IFRD1: variants seen among roughly 807,000 people sequenced by gnomAD.
IFRD1 encodes interferon-related developmental regulator 1.
In IFRD1, 35 loss-of-function variants were observed where a neutral mutation model predicts 52.9. That is an observed-to-expected ratio of 0.66 (90% CI 0.51 to 0.88). The LOEUF is 0.88. Ranked by LOEUF, IFRD1 falls within the 40% of genes least tolerant of loss-of-function variation. The pLI, the probability that IFRD1 is intolerant of heterozygous loss-of-function variation, is 0.00. For synonymous variants in IFRD1, 184 were observed against 188.4 expected (o/e 0.98, Z 0.19); for missense variants, 517 against 550.8 (o/e 0.94, Z 0.61).
At chr7:112,456,499 T>C (rs1795294362) in intron 3 of IFRD1, among the ~76,000 whole-genome samples, 1 of 152,214 alleles carries the variant, frequency 6.6e-6, no homozygotes, top group African/African-American at 2.4e-5. Context: ...GATTGTTTCT[T>C]TTCACTATAG....
In IFRD1 at chr7:112,462,113, C is replaced by A. The variant is rs1346940033; in HGVS notation, c.731C>A (p.Ser244Tyr). 3 of 1,613,726 alleles carry A rather than the reference C, an allele frequency of 1.9e-6. No homozygotes were observed. Among genetic ancestry groups the A allele is most frequent in the East Asian group, 4.5e-5 (2 of 44,870 alleles). Reference protein sequence around the residue: ...STPNTVLHISSLLAWTLLLTI... With the variant: ...STPNTVLHISYLLAWTLLLTI... ...CCTAATACAGTGCTTCATATCAGCTCTCTTCTTGCATGGACACTACTGCTG... is the reference window on the plus strand; with the variant it reads ...CCTAATACAGTGCTTCATATCAGCTATCTTCTTGCATGGACACTACTGCTG... The change falls in exon 7 of 12, where the codon TCT becomes TAT. Residue 244 changes from serine to tyrosine, a missense_variant. Coordinates refer to ENST00000403825, the MANE Select transcript of IFRD1 (RefSeq NM_001550.4).
At chr7:112,424,328 T>C (rs1025309813) in intron 1 of IFRD1, among the ~76,000 whole-genome samples, 3 of 152,192 alleles carry the variant, frequency 2.0e-5, no homozygotes, top group African/African-American at 7.2e-5. Flanking sequence ...TCTGGTGCTC[T>C]GGAGGTTCTA....
At chr7:112,450,918 G>A in intron 1 of IFRD1, 136 bp downstream of exon 1, 1 of 712,524 alleles carries the variant, frequency 1.4e-6, no homozygotes, top group Non-Finnish European at 2.5e-6. Flanking sequence ...TTTGGCTACT[G>A]AACTACAATT....
intron 3 of IFRD1, 93 bp from the exon 4 acceptor site, chr7:112,456,821 A>G (rs1235117588): frequency 3.4e-6 from 4 of 1,176,776 alleles, no homozygotes; most frequent in East Asian, 2.4e-5. Flanking sequence ...AAATCTATAC[A>G]TAGGTAAAGT....
chr7:112,435,779 T>C (rs1794671313), intron 1 of IFRD1, among the ~76,000 whole-genome samples: 1 of 152,186 alleles, frequency 6.6e-6, no homozygotes, highest in Non-Finnish European at 1.5e-5. Context: ...AGTTGGCTCT[T>C]ACTAAAATGA....
Position 112,450,647 on chromosome 7 carries a change from C to A in IFRD1, c.-42C>A. The A allele has an allele frequency of 6.6e-7, 1 of 1,520,278 alleles. No homozygotes were observed. The highest frequency in any genetic ancestry group is 9.1e-7 in the Non-Finnish European group (1 of 1,095,962). 94.2% of individuals were successfully genotyped at this position (1,520,278 alleles called of 1,614,324 possible). A position where few individuals can be genotyped will look rare whatever the true frequency, so the allele number is the denominator to read the frequency against. On this transcript the variant is annotated 5_prime_UTR_variant, in exon 1 of 12. Coordinates refer to ENST00000403825, the MANE Select transcript of IFRD1 (RefSeq NM_001550.4). Reference sequence around the variant, plus strand: ...AAAAAGTGCAGCTCCATCGGCTGATCCTCGCTAAGCTCCGACTCTGGGCGG... The same window carrying A: ...AAAAAGTGCAGCTCCATCGGCTGATACTCGCTAAGCTCCGACTCTGGGCGG...
At chr7:112,454,242 G>A (rs760156315) in intron 1 of IFRD1, among the ~76,000 whole-genome samples, 2 of 151,882 alleles carry the variant, frequency 1.3e-5, no homozygotes, top group African/African-American at 2.4e-5. Context: ...CCACAGGCAG[G>A]CAGTGCAATG....
intron 1 of IFRD1, among the ~76,000 whole-genome samples, chr7:112,435,781 C>T (rs2117238730): frequency 6.6e-6 from 1 of 151,944 alleles, no homozygotes; most frequent in South Asian, 2.1e-4. Flanking sequence ...TTGGCTCTTA[C>T]TAAAATGAAC....
chr7:112,438,665 C>A (rs972275043), intron 1 of IFRD1, among the ~76,000 whole-genome samples: 5 of 151,654 alleles, frequency 3.3e-5, no homozygotes, highest in Non-Finnish European at 7.4e-5. Context: ...CTAGAAGATA[C>A]CTCCTTCGCC....
At chr7:112,425,882 A>G (rs1475226734) in intron 1 of IFRD1, among the ~76,000 whole-genome samples, 1 of 152,178 alleles carries the variant, frequency 6.6e-6, no homozygotes, top group Non-Finnish European at 1.5e-5. Flanking sequence ...TTACTGTTAT[A>G]TCTGAATAAA....
intron 5 of IFRD1, among the ~76,000 whole-genome samples, chr7:112,460,521 G>A (rs539528011): frequency 1.3e-5 from 2 of 152,102 alleles, no homozygotes; most frequent in Admixed American, 1.3e-4. Context: ...TGAGATTATG[G>A]GTGTGAGCCA....
Position 112,475,886 on chromosome 7 carries a change from T to C in IFRD1, c.*367T>C, listed in dbSNP as rs898386500. 1 of 177,996 alleles carries C rather than the reference T, an allele frequency of 5.6e-6. No homozygotes were observed. The highest frequency in any genetic ancestry group is 1.2e-5 in the Non-Finnish European group (1 of 84,112). 11.0% of individuals were successfully genotyped at this position (177,996 alleles called of 1,614,324 possible). A position where few individuals can be genotyped will look rare whatever the true frequency, so the allele number is the denominator to read the frequency against. Reference sequence around the variant, plus strand: ...TACATGCAAGATATTTAACTTAATATCTTAGACAAGAGTTCTGGGTACAAT... The same window carrying C: ...TACATGCAAGATATTTAACTTAATACCTTAGACAAGAGTTCTGGGTACAAT... On this transcript the variant is annotated 3_prime_UTR_variant, in exon 12 of 12. Transcript: ENST00000403825.
chr7:112,467,807 G>A lies in IFRD1; in HGVS notation c.907-174G>A, dbSNP rs1368208996. ...TCTTGTAGTCAGCATTTCTGGGTTCGATTTTTGCATGAAAACATGTGTTTA... is the reference window on the plus strand; with the variant it reads ...TCTTGTAGTCAGCATTTCTGGGTTCAATTTTTGCATGAAAACATGTGTTTA... On this transcript the variant is annotated intron_variant, in intron 8 of 11. Coordinates refer to ENST00000403825, the MANE Select transcript of IFRD1 (RefSeq NM_001550.4). 2.5e-5 allele frequency: 16 copies of A among 652,912 alleles called. No homozygotes were observed. The East Asian group carries it at 4.3e-4, about 17-fold the overall frequency. 40.4% of individuals were successfully genotyped at this position (652,912 alleles called of 1,614,324 possible). A position where few individuals can be genotyped will look rare whatever the true frequency, so the allele number is the denominator to read the frequency against.
chr7:112,455,208 G>T (rs566886075), intron 1 of IFRD1, among the ~76,000 whole-genome samples: 1 of 152,144 alleles, frequency 6.6e-6, no homozygotes, highest in East Asian at 1.9e-4. Context: ...CGTCGGCTGG[G>T]CTCAGTGGCT....
upstream of IFRD1, among the ~76,000 whole-genome samples, chr7:112,449,108 C>T (rs1354624645): frequency 1.3e-5 from 2 of 152,168 alleles, no homozygotes; most frequent in Non-Finnish European, 2.9e-5. Context: ...AAATAGGGAA[C>T]ACACAAATAA....
At chr7:112,442,329 CAG>C (rs1175841084) in intron 1 of IFRD1, among the ~76,000 whole-genome samples, 7 of 152,206 alleles carry the variant, frequency 4.6e-5, no homozygotes, top group African/African-American at 1.4e-4. Context: ...CCATCTTTAG[CAG>C]AGTCATTTCT....
In IFRD1 at chr7:112,432,148, T is replaced by C. The variant is rs76267520; in HGVS notation, c.-182+8716T>C. 5.4e-3 allele frequency among the ~76,000 whole-genome samples: 823 copies of C among 152,342 alleles called. 8 individuals are homozygous for C. The highest frequency in any genetic ancestry group is 0.018 in the African/African-American group (761 of 41,568). ...GGACTTTACATATCCTATTTTCTTATATTCATTTGTTTTGAGCATCAAAAA... is the reference window on the plus strand; with the variant it reads ...GGACTTTACATATCCTATTTTCTTACATTCATTTGTTTTGAGCATCAAAAA... On this transcript the variant is annotated intron_variant, in intron 1 of 12. Transcript: ENST00000005558.
intron 11 of IFRD1, 90 bp from the exon 12 acceptor site, chr7:112,475,340 T>G: frequency 1.3e-6 from 1 of 748,018 alleles, no homozygotes. Flanking sequence ...AATTAGTTCA[T>G]TTCTTTTCTT....
chr7:112,473,066 G>A (rs1048449325), intron 11 of IFRD1, among the ~76,000 whole-genome samples: 17 of 38,202 alleles, frequency 4.5e-4, no homozygotes, highest in South Asian at 1.4e-3. Flanking sequence ...GTGTGTGTGT[G>A]TATATATGTG....
Sources: allele counts gnomAD v4.1 joint callset (sites outside exome capture counted in the v4.1 genomes callset), GRCh38; gene constraint gnomAD v4.1.1; transcripts MANE v1.5; gene names NCBI Gene and HGNC (gene_info 2026-07-23, HGNC 2026-07-21).